TNNI3K: variants seen among roughly 807,000 people sequenced by gnomAD.
The protein encoded by TNNI3K is serine/threonine-protein kinase TNNI3K.
TNNI3K carries 140 observed loss-of-function variants against 114.5 expected under a neutral mutation model. The observed-to-expected ratio is 1.22, with a 90% CI of 1.07 to 1.41. TNNI3K has a LOEUF of 1.41. TNNI3K is among the 40% of genes most tolerant of loss of function. The pLI is 0.00. For synonymous variants in TNNI3K, 347 were observed against 347.5 expected (o/e 1.00, Z 0.02); for missense variants, 1,125 against 1,007.6 (o/e 1.12, Z -1.58).
chr1:74,478,752 G>A (rs539983816), intron 21 of TNNI3K, among the ~76,000 whole-genome samples: 1 of 152,296 alleles, frequency 6.6e-6, no homozygotes, highest in African/African-American at 2.4e-5. Context: ...GCCTATGCGT[G>A]CATCTGTGTG....
In TNNI3K at chr1:74,369,207, G is replaced by T; in HGVS notation, c.1415G>T (p.Gly472Val). The change falls in exon 15 of 25, where the codon GGT becomes GTT. Residue 472 changes from glycine (G) to valine (V), a missense_variant and splice_region_variant. Gly to Val is a moderately radical substitution (Grantham distance 109, BLOSUM62 -3). Coordinates refer to ENST00000326637, the MANE Select transcript of TNNI3K (RefSeq NM_015978.3). ...EIEFHEIIGS[G>V]SFGKVYKGRC... ...ATTTATTTATTTTAAACAATTGTAG[G>T]TTCTTTTGGGAAAGTATATAAAGGA... 1 of 1,609,884 alleles carries T rather than the reference G, an allele frequency of 6.2e-7. No homozygotes were observed. The highest frequency in any genetic ancestry group is 8.5e-7 in the Non-Finnish European group (1 of 1,178,390).
chr1:74,331,446 C>G lies in TNNI3K; in HGVS notation c.445-4C>G. On this transcript the variant is annotated splice_region_variant and splice_polypyrimidine_tract_variant and intron_variant, in intron 5 of 24. Coordinates refer to ENST00000326637, the MANE Select transcript of TNNI3K (RefSeq NM_015978.3). ...TTCTTAACCATAATCATTTTCTTGT[C>G]CAGGCTGCTGATGTGCTGTTGCAAC... 1 of 1,611,928 alleles carries G rather than the reference C, an allele frequency of 6.2e-7. No homozygotes were observed. Among genetic ancestry groups the G allele is most frequent in the South Asian group, 1.1e-5 (1 of 90,728 alleles).
chr1:74,429,593 C>A (rs895540684), intron 17 of TNNI3K, among the ~76,000 whole-genome samples: 31 of 152,020 alleles, frequency 2.0e-4, no homozygotes, highest in African/African-American at 6.8e-4. Context: ...GGTAAGACTC[C>A]CCAGAAAGGT....
At chr1:74,317,969 A>G (rs1018004690) in intron 5 of TNNI3K, among the ~76,000 whole-genome samples, 1 of 152,152 alleles carries the variant, frequency 6.6e-6, no homozygotes, top group African/African-American at 2.4e-5. Context: ...TTTATGAACT[A>G]TAGCCACCTC....
intron 4 of TNNI3K, among the ~76,000 whole-genome samples, chr1:74,266,003 G>A (rs1655959355): frequency 6.6e-6 from 1 of 151,884 alleles, no homozygotes; most frequent in Non-Finnish European, 1.5e-5. Flanking sequence ...TCTTCTCTGA[G>A]GTATTCTGGT....
At chr1:74,309,285 G>A (rs566010094) in intron 5 of TNNI3K, among the ~76,000 whole-genome samples, 5 of 145,074 alleles carry the variant, frequency 3.4e-5, no homozygotes, top group Non-Finnish European at 6.0e-5. Context: ...GGAGAATGGC[G>A]TGAACCCCAG....
intron 21 of TNNI3K, 72 bp from the exon 22 acceptor site, chr1:74,489,117 C>G: frequency 7.7e-7 from 1 of 1,295,176 alleles, no homozygotes; most frequent in Non-Finnish European, 1.1e-6. Flanking sequence ...TGCTAATACC[C>G]AATTTTAACA....
chr1:74,344,628 C>A (rs1557509574), intron 9 of TNNI3K, among the ~76,000 whole-genome samples: 1 of 152,132 alleles, frequency 6.6e-6, no homozygotes, highest in African/African-American at 2.4e-5. Flanking sequence ...TAGGTCATGC[C>A]TGTTACAGCT....
At chr1:74,385,006 C>A (rs186868846) in intron 17 of TNNI3K, among the ~76,000 whole-genome samples, 1 of 152,190 alleles carries the variant, frequency 6.6e-6, no homozygotes, top group East Asian at 1.9e-4. Context: ...ATTTATCTAA[C>A]CCATCCTTTT....
chr1:74,493,371 T>C (rs973531167), intron 23 of TNNI3K, among the ~76,000 whole-genome samples: 1 of 152,086 alleles, frequency 6.6e-6, no homozygotes, highest in East Asian at 1.9e-4. Flanking sequence ...GAACTTTACC[T>C]CGATGAAAAC....
intron 23 of TNNI3K, among the ~76,000 whole-genome samples, chr1:74,517,218 T>A (rs1205391796): frequency 6.6e-6 from 1 of 152,170 alleles, no homozygotes; most frequent in African/African-American, 2.4e-5. Flanking sequence ...ATAACATTAA[T>A]CCAATTTTAC....
intron 5 of TNNI3K, among the ~76,000 whole-genome samples, chr1:74,325,223 T>A (rs543393528): frequency 3.3e-4 from 51 of 152,312 alleles, no homozygotes; most frequent in Non-Finnish European, 6.6e-4. Flanking sequence ...TTTGGAGTTA[T>A]GTCTACACTG....
intron 5 of TNNI3K, among the ~76,000 whole-genome samples, chr1:74,279,133 A>G (rs983182247): frequency 6.6e-5 from 10 of 152,180 alleles, no homozygotes; most frequent in African/African-American, 2.4e-4. Flanking sequence ...AAATTATCAG[A>G]CTAGGAACAC....
Position 74,515,921 on chromosome 1 carries a change from G to A in TNNI3K, c.2351+23655G>A, listed in dbSNP as rs369408227. On this transcript the variant is annotated intron_variant, in intron 23 of 24. Transcript: ENST00000326637. Reference sequence around the variant, plus strand: ...CCCCATAGTGCCAGTTTACCTCCTGGCTGCCTTCAAGGTTCTGATGTCTGA... The same window carrying A: ...CCCCATAGTGCCAGTTTACCTCCTGACTGCCTTCAAGGTTCTGATGTCTGA... 5.3e-5 allele frequency among the ~76,000 whole-genome samples: 8 copies of A among 152,252 alleles called. No homozygotes were observed. The East Asian group carries it at 1.5e-3, about 29-fold the overall frequency.
At chr1:74,273,218 T>G (rs1413796549) in intron 5 of TNNI3K, among the ~76,000 whole-genome samples, 2 of 151,984 alleles carry the variant, frequency 1.3e-5, no homozygotes, top group African/African-American at 4.8e-5. Flanking sequence ...GTTTCCTTCA[T>G]GTTGACATTT....
chr1:74,297,625 T>A (rs1274231411), intron 5 of TNNI3K, among the ~76,000 whole-genome samples: 1 of 152,112 alleles, frequency 6.6e-6, no homozygotes, highest in Non-Finnish European at 1.5e-5. Context: ...TCTTGACTAC[T>A]GTGAATAATG....
intron 20 of TNNI3K, among the ~76,000 whole-genome samples, chr1:74,460,357 A>G (rs1439929095): frequency 6.6e-6 from 1 of 152,094 alleles, no homozygotes; most frequent in African/African-American, 2.4e-5. Context: ...CATTTTTATC[A>G]GTGTAAAAAG....
At chr1:74,489,274 G>C in intron 22 of TNNI3K, 26 bp downstream of exon 22, 1 of 1,600,590 alleles carries the variant, frequency 6.2e-7, no homozygotes, top group Non-Finnish European at 8.5e-7. Flanking sequence ...TCTGAAATAT[G>C]TCCATAAAAA....
chr1:74,424,346 G>A (rs183695331), intron 17 of TNNI3K, among the ~76,000 whole-genome samples: 3 of 152,216 alleles, frequency 2.0e-5, no homozygotes, highest in Non-Finnish European at 4.4e-5. Context: ...GACAAAATGA[G>A]ACTGTAGTGG....
Sources: allele counts gnomAD v4.1 joint callset (sites outside exome capture counted in the v4.1 genomes callset), GRCh38; gene constraint gnomAD v4.1.1; transcripts MANE v1.5; gene names NCBI Gene and HGNC (gene_info 2026-07-23, HGNC 2026-07-21).